The following GPHN variants were observed in gnomAD, a reference collection of about 807,000 sequenced individuals.
GPHN encodes gephyrin.
GPHN carries 17 observed loss-of-function variants against 95.5 expected under a neutral mutation model. The observed-to-expected ratio is 0.18, with a 90% confidence interval of 0.12 to 0.27. The LOEUF is 0.27. GPHN is among the 10% of genes least tolerant of loss of function. The probability of loss-of-function intolerance (pLI) is 1.00; values close to 1 mark genes in which losing one functional copy is unlikely to be tolerated. For missense variants in GPHN, 660 were observed against 978.1 expected (o/e 0.67, Z 4.34); for synonymous variants, 320 against 322.5 (o/e 0.99, Z 0.08).
At chr14:67,535,370 C>CTTTTTTT in the GPHN span, among the ~76,000 whole-genome samples, 7 of 74,228 alleles carry the variant, frequency 9.4e-5, no homozygotes, top group African/African-American at 2.4e-4. Flanking sequence ...GTGAGCACAT[C>CTTTTTTT]TTTTTTTTTT....
At chr14:67,662,511 T>C in the GPHN span, 1 of 1,611,692 alleles carries the variant, frequency 6.2e-7, no homozygotes, top group Non-Finnish European at 8.5e-7. Flanking sequence ...TTCATCAAAA[T>C]CCCTGATCAA....
intron 2 of GPHN, among the ~76,000 whole-genome samples, chr14:66,681,697 C>G (rs1346331649): frequency 6.6e-6 from 1 of 152,082 alleles, no homozygotes; most frequent in African/African-American, 2.4e-5. Context: ...GCTCATCAGT[C>G]AGTCCCATTC....
intron 17 of GPHN, among the ~76,000 whole-genome samples, chr14:67,133,621 C>T (rs1036228843): frequency 6.6e-6 from 1 of 152,082 alleles, no homozygotes; most frequent in Non-Finnish European, 1.5e-5. Context: ...CCAAAGCAAT[C>T]AAATTGAAAT....
chr14:67,733,645 T>A, the GPHN span: 1 of 774,468 alleles, frequency 1.3e-6, no homozygotes, highest in Non-Finnish European at 2.2e-6. Flanking sequence ...TGGCATATAT[T>A]GTATTTTATT....
chr14:67,200,937 CT>C, the GPHN span, among the ~76,000 whole-genome samples: 3 of 152,182 alleles, frequency 2.0e-5, no homozygotes, highest in Non-Finnish European at 4.4e-5. Context: ...ACAACCCCAC[CT>C]GGTTAGCATG....
At chr14:67,522,731 A>T in the GPHN span, among the ~76,000 whole-genome samples, 1 of 152,186 alleles carries the variant, frequency 6.6e-6, no homozygotes, top group South Asian at 2.1e-4. Context: ...TTTCTCCCAT[A>T]GGAGCCGGCT....
the GPHN span, chr14:67,653,355 G>T: frequency 1.6e-6 from 2 of 1,228,204 alleles, no homozygotes; most frequent in Non-Finnish European, 2.4e-6. Context: ...GCTTTATGAG[G>T]ACCTTTGTAA....
At chr14:67,108,490 A>C (rs979502707) in intron 13 of GPHN, among the ~76,000 whole-genome samples, 5 of 152,132 alleles carry the variant, frequency 3.3e-5, no homozygotes, top group African/African-American at 1.2e-4. Flanking sequence ...AAATGAAACA[A>C]ATCTTTGTCT....
chr14:66,998,849 A>G (rs1166755811), intron 9 of GPHN, among the ~76,000 whole-genome samples: 2 of 142,388 alleles, frequency 1.4e-5, no homozygotes, highest in Non-Finnish European at 3.1e-5. Flanking sequence ...TAGCAAAAAC[A>G]TTTCTCCACG....
chr14:67,357,559 T>C, the GPHN span, among the ~76,000 whole-genome samples: 71 of 152,350 alleles, frequency 4.7e-4, no homozygotes, highest in African/African-American at 1.5e-3. Context: ...CCTCTTAGTC[T>C]CAAAGTAAAA....
At chr14:67,520,893 T>G in the GPHN span, among the ~76,000 whole-genome samples, 6 of 152,246 alleles carry the variant, frequency 3.9e-5, no homozygotes, top group Non-Finnish European at 5.9e-5. Flanking sequence ...ATTTCCAAAC[T>G]GTCTTCCAAA....
intron 11 of GPHN, among the ~76,000 whole-genome samples, chr14:67,076,291 T>C (rs2076490365): frequency 6.6e-6 from 1 of 151,892 alleles, no homozygotes; most frequent in South Asian, 2.1e-4. Context: ...TATTTTCACA[T>C]AATACTATTT....
intron 1 of GPHN, among the ~76,000 whole-genome samples, chr14:66,584,568 A>G (rs2061341587): frequency 6.6e-6 from 1 of 152,148 alleles, no homozygotes; most frequent in African/African-American, 2.4e-5. Context: ...TCCCATCAAT[A>G]TCTAATTTAT....
At chr14:66,799,844 C>T (rs1270605250) in intron 3 of GPHN, among the ~76,000 whole-genome samples, 6 of 151,828 alleles carry the variant, frequency 4.0e-5, no homozygotes, top group African/African-American at 1.4e-4. Context: ...TTTCTCCTGC[C>T]ATTTTATTAT....
intron 1 of GPHN, among the ~76,000 whole-genome samples, chr14:66,544,542 G>C (rs554621346): frequency 5.3e-5 from 8 of 150,598 alleles, no homozygotes; most frequent in Admixed American, 5.3e-4. Context: ...ATGAATATTT[G>C]TTGAATGAAA....
At chr14:66,810,049 A>G (rs1421597150) in intron 3 of GPHN, among the ~76,000 whole-genome samples, 1 of 151,970 alleles carries the variant, frequency 6.6e-6, no homozygotes, top group East Asian at 1.9e-4. Context: ...CTGCCTATAG[A>G]TCAGTGTTAT....
At chr14:66,849,548 G>C (rs1479014016) in intron 4 of GPHN, among the ~76,000 whole-genome samples, 1 of 151,898 alleles carries the variant, frequency 6.6e-6, no homozygotes, top group Admixed American at 6.6e-5. Context: ...TTACCAATCT[G>C]GTAGGTGAAA....
At chr14:66,564,610 C>A (rs962276249) in intron 1 of GPHN, among the ~76,000 whole-genome samples, 2 of 152,104 alleles carry the variant, frequency 1.3e-5, no homozygotes, top group Admixed American at 6.5e-5. Context: ...AGGATGGTTT[C>A]CTTTGAACAC....
chr14:66,565,826 T>C (rs1254138038), intron 1 of GPHN, among the ~76,000 whole-genome samples: 2 of 152,192 alleles, frequency 1.3e-5, no homozygotes, highest in Admixed American at 1.3e-4. Flanking sequence ...CTTTGTCATT[T>C]CACCACACTT....
Sources: allele counts gnomAD v4.1 joint callset (sites outside exome capture counted in the v4.1 genomes callset), GRCh38; gene constraint gnomAD v4.1.1; transcripts MANE v1.5; gene names NCBI Gene and HGNC (gene_info 2026-07-23, HGNC 2026-07-21).